STAG2: variants seen among roughly 807,000 people sequenced by gnomAD.
STAG2 encodes the protein cohesin subunit SA-2.
STAG2 carries 14 observed loss-of-function variants against 108.1 expected under a neutral mutation model. The observed-to-expected ratio is 0.13, with a 90% CI of 0.09 to 0.20. The LOEUF (loss-of-function observed/expected upper bound fraction) is 0.20, where lower values mean the gene tolerates loss of function less well. STAG2 is among the 10% of genes least tolerant of loss of function. The pLI is 1.00. For missense variants in STAG2, 440 were observed against 940.9 expected (o/e 0.47, Z 6.96); for synonymous variants, 307 against 302.7 (o/e 1.01, Z -0.15).
chrX:124,009,753 A>G (rs2056457698), intron 1 of STAG2, among the ~76,000 whole-genome samples: 1 of 111,822 alleles, frequency 8.9e-6, no homozygotes, highest in African/African-American at 3.3e-5. Flanking sequence ...TTTGTTAAAT[A>G]GGTTTCAATG....
At position 124,031,038 on chromosome X, in the gene STAG2, A is replaced by G; in HGVS notation, c.201A>G (p.Pro67=). The G allele has an allele frequency of 8.3e-7, 1 of 1,211,076 alleles. No homozygotes were observed. Among genetic ancestry groups the G allele is most frequent in the Non-Finnish European group, 1.1e-6 (1 of 895,261 alleles). ...GNGGGKPPSG[P]NRMNGHHQQN... ...GAGGAGGAAAACCTCCTTCTGGTCC[A>G]AACCGAATGAATGGTCATCACCAAC... The change falls in exon 5 of 35, where the codon CCA becomes CCG. Residue 67 remains proline (P), a synonymous_variant. Transcript: ENST00000371145.
chrX:124,040,854 CTTT>C (rs1163780101), intron 6 of STAG2, among the ~76,000 whole-genome samples: 2 of 76,639 alleles, frequency 2.6e-5, no homozygotes, highest in Non-Finnish European at 4.8e-5. Flanking sequence ...CCTCTTCTCT[CTTT>C]TTTTTTTTTT....
intron 8 of STAG2, 64 bp from the exon 9 acceptor site, chrX:124,047,290 C>T (rs2148193631): frequency 1.0e-6 from 1 of 1,000,325 alleles, no homozygotes; most frequent in Non-Finnish European, 1.3e-6. Context: ...TCTATTTGAT[C>T]TTAAATTGTA....
intron 30 of STAG2, 99 bp from the exon 31 acceptor site, chrX:124,090,476 G>A: frequency 1.4e-6 from 1 of 713,795 alleles, no homozygotes; most frequent in Non-Finnish European, 2.1e-6. Context: ...TGACTTGCAT[G>A]TGGAAATCAA....
intron 1 of STAG2, among the ~76,000 whole-genome samples, chrX:124,012,153 A>G (rs1026995202): frequency 8.9e-6 from 1 of 111,990 alleles, no homozygotes; most frequent in African/African-American, 3.2e-5. Context: ...TCACTTGGTC[A>G]TGGTGTATAA....
intron 29 of STAG2, among the ~76,000 whole-genome samples, chrX:124,085,557 G>A (rs1262006587): frequency 1.8e-5 from 2 of 110,433 alleles, no homozygotes; most frequent in East Asian, 2.9e-4. Context: ...GGGAGGTCAA[G>A]GCGGGCAGAG....
Position 124,079,672 on chromosome X carries a change from T to C in STAG2, c.2775+1614T>C, listed in dbSNP as rs1477272359. 1.3e-4 allele frequency among the ~76,000 whole-genome samples: 15 copies of C among 112,128 alleles called. No individual in the cohort carries two copies. The Admixed American group carries it at 1.4e-3, about 11-fold the overall frequency. ...TTTAAAAGGTTGAAAAGATGGCATT[T>C]AAAAAATAACTTTTGCTATAAAGTA... On this transcript the variant is annotated intron_variant, in intron 27 of 34. Coordinates refer to ENST00000371145, the MANE Select transcript of STAG2 (RefSeq NM_001042750.2).
chrX:124,066,596 A>T (rs2058537327), intron 23 of STAG2, among the ~76,000 whole-genome samples, 160 bp downstream of exon 23: 3 of 107,904 alleles, frequency 2.8e-5, no homozygotes, highest in African/African-American at 1.0e-4. Flanking sequence ...GAGGATATCG[A>T]TATGGTTTGT....
chrX:124,050,823 G>A (rs1411373308), intron 11 of STAG2, among the ~76,000 whole-genome samples: 1 of 111,289 alleles, frequency 9.0e-6, no homozygotes, highest in Non-Finnish European at 1.9e-5. Flanking sequence ...ACTTCCCATA[G>A]TGGAAAATAT....
At chrX:124,009,439 G>GATAGATAGATAGATAGA (rs1569501995) in intron 1 of STAG2, among the ~76,000 whole-genome samples, 18 of 62,515 alleles carry the variant, frequency 2.9e-4, no homozygotes, top group Non-Finnish European at 4.7e-4. Flanking sequence ...AGGTAGGTAG[G>GATAGATAGATAGATAGA]TAGGTAGATA....
chrX:123,966,306 A>T (rs2054091794), intron 1 of STAG2, among the ~76,000 whole-genome samples: 3 of 109,922 alleles, frequency 2.7e-5, no homozygotes, highest in Non-Finnish European at 5.7e-5. Context: ...TACTAAAAAT[A>T]CTAAAATTAG....
chrX:124,060,031 T>C (rs1390364141), intron 15 of STAG2, among the ~76,000 whole-genome samples: 3 of 112,199 alleles, frequency 2.7e-5, no homozygotes, highest in Non-Finnish European at 5.6e-5. Context: ...TTTTATTATT[T>C]GTAATTGCTT....
chrX:123,978,820 A>G, intron 1 of STAG2, among the ~76,000 whole-genome samples: 1 of 111,602 alleles, frequency 9.0e-6, no homozygotes, highest in Non-Finnish European at 1.9e-5. Flanking sequence ...CAATATTAAT[A>G]TTTGGATTTT....
At position 124,100,882 on chromosome X, in the gene STAG2, T is replaced by TA. The variant is rs2059495446; in HGVS notation, c.*285_*286insA. On this transcript the variant is annotated 3_prime_UTR_variant, in exon 35 of 35. Transcript: ENST00000371145. Reference sequence around the variant, plus strand: ...TGAATCGATTATTTCATGCTTTTTTTTAAAAAAAAAAAAAAACAAAATAAC... The same window carrying TA: ...TGAATCGATTATTTCATGCTTTTTTTATAAAAAAAAAAAAAAACAAAATAAC... 11 of 204,990 alleles carry TA rather than the reference T, an allele frequency of 5.4e-5. No homozygotes were observed. Among genetic ancestry groups the TA allele is most frequent in the Non-Finnish European group, 7.0e-5 (8 of 114,980 alleles). 16.9% of individuals were successfully genotyped at this position (204,990 alleles called of 1,213,427 possible). A position where few individuals can be genotyped will look rare whatever the true frequency, so the allele number is the denominator to read the frequency against.
intron 13 of STAG2, among the ~76,000 whole-genome samples, chrX:124,052,459 A>G (rs1425978106): frequency 8.9e-6 from 1 of 112,236 alleles, no homozygotes; most frequent in African/African-American, 3.2e-5. Flanking sequence ...GGCTTATTTC[A>G]CTTGGCATAA....
chrX:123,989,590 ATTTTCTTT>A (rs1401939111), intron 1 of STAG2, among the ~76,000 whole-genome samples: 2 of 103,940 alleles, frequency 1.9e-5, no homozygotes, highest in Non-Finnish European at 3.9e-5. Context: ...TTATATAATT[ATTTTCTTT>A]TTTTCTTTCT....
chrX:124,035,685 C>T (rs1056778876), intron 5 of STAG2, among the ~76,000 whole-genome samples: 2 of 111,949 alleles, frequency 1.8e-5, no homozygotes, highest in Non-Finnish European at 3.8e-5. Context: ...ATGTTTAGTG[C>T]CTAGTCTGTA....
chrX:123,967,256 ATTTTTTTTTTT>A (rs1177101640), intron 1 of STAG2, among the ~76,000 whole-genome samples: 3 of 50,224 alleles, frequency 6.0e-5, no homozygotes, highest in African/African-American at 1.7e-4. Flanking sequence ...TCAATGGTGT[ATTTTTTTTTTT>A]TTTTTTTTTT....
At chrX:124,007,947 C>A (rs2056365511) in intron 1 of STAG2, among the ~76,000 whole-genome samples, 1 of 111,401 alleles carries the variant, frequency 9.0e-6, no homozygotes, top group Non-Finnish European at 1.9e-5. Flanking sequence ...GTATGTAACA[C>A]TGGAAAAACT....
Sources: gnomAD v4.1 joint callset for allele counts (sites outside exome capture counted in the v4.1 genomes callset) on GRCh38, gnomAD v4.1.1 for gene constraint, MANE v1.5 for transcripts, NCBI Gene and HGNC (gene_info 2026-07-23, HGNC 2026-07-21) for gene names.